The following TENM2 variants were observed in gnomAD, a reference collection of about 807,000 sequenced individuals.
TENM2 encodes the protein teneurin-2.
A neutral mutation model predicts 245.2 loss-of-function variants in TENM2; 52 were observed. That is an observed-to-expected ratio of 0.21 (90% CI 0.17 to 0.27). TENM2 has a LOEUF of 0.27. Ranked by LOEUF, TENM2 falls within the 10% of genes least tolerant of loss-of-function variation. The probability of loss-of-function intolerance (pLI) is 1.00; values close to 1 mark genes in which losing one functional copy is unlikely to be tolerated. For synonymous variants in TENM2, 1,363 were observed against 1,438.9 expected (o/e 0.95, Z 1.19); for missense variants, 3,046 against 3,666.8 (o/e 0.83, Z 4.37).
chr5:167,550,158 A>G (rs1401199526), intron 2 of TENM2, among the ~76,000 whole-genome samples: 1 of 152,188 alleles, frequency 6.6e-6, no homozygotes, highest in African/African-American at 2.4e-5. Context: ...TCCACTGTCA[A>G]AACAATCTGT....
chr5:167,779,674 A>G (rs1764051616), intron 2 of TENM2, among the ~76,000 whole-genome samples: 1 of 152,250 alleles, frequency 6.6e-6, no homozygotes, highest in African/African-American at 2.4e-5. Flanking sequence ...GTTTTAGGAT[A>G]TGTATCAGTC....
At chr5:167,959,843 T>A (rs1298250730) in intron 4 of TENM2, among the ~76,000 whole-genome samples, 1 of 152,252 alleles carries the variant, frequency 6.6e-6, no homozygotes, top group African/African-American at 2.4e-5. Flanking sequence ...TGGATTTATC[T>A]ACCTTTGGTC....
chr5:168,003,773 A>T (rs563723604), intron 5 of TENM2, among the ~76,000 whole-genome samples: 2 of 152,350 alleles, frequency 1.3e-5, no homozygotes, highest in South Asian at 4.1e-4. Context: ...CAAATAAACC[A>T]GAAAGCTACC....
chr5:167,736,923 G>C (rs1426221567), intron 2 of TENM2, among the ~76,000 whole-genome samples: 1 of 152,134 alleles, frequency 6.6e-6, no homozygotes, highest in Non-Finnish European at 1.5e-5. Flanking sequence ...CAGTGAACTA[G>C]CCTGGTAGAA....
chr5:167,792,549 T>C (rs1765051472), intron 2 of TENM2, among the ~76,000 whole-genome samples: 1 of 152,044 alleles, frequency 6.6e-6, no homozygotes, highest in African/African-American at 2.4e-5. Flanking sequence ...CAACGTGTTC[T>C]GTCCACCTCA....
chr5:167,309,402 G>A (rs1245656303), intron 1 of TENM2, among the ~76,000 whole-genome samples: 3 of 152,134 alleles, frequency 2.0e-5, no homozygotes, highest in Non-Finnish European at 4.4e-5. Flanking sequence ...ATCGTAAGTC[G>A]AAAATGCACT....
chr5:167,217,133 G>A, the TENM2 span, among the ~76,000 whole-genome samples: 1 of 152,146 alleles, frequency 6.6e-6, no homozygotes, highest in East Asian at 1.9e-4. Flanking sequence ...AAGTGGTAAA[G>A]TCTTTGTCAT....
At chr5:168,029,154 G>A (rs1786883465) in intron 5 of TENM2, among the ~76,000 whole-genome samples, 1 of 152,160 alleles carries the variant, frequency 6.6e-6, no homozygotes, top group Non-Finnish European at 1.5e-5. Flanking sequence ...CATGGTGGAA[G>A]AGACTATCTA....
At chr5:167,395,258 G>A (rs1207125258) in intron 2 of TENM2, among the ~76,000 whole-genome samples, 1 of 152,026 alleles carries the variant, frequency 6.6e-6, no homozygotes, top group Non-Finnish European at 1.5e-5. Context: ...TATTATAGTG[G>A]GATTTTTTCT....
chr5:167,384,347 G>A (rs1761284652), intron 2 of TENM2, among the ~76,000 whole-genome samples: 1 of 152,226 alleles, frequency 6.6e-6, no homozygotes, highest in South Asian at 2.1e-4. Context: ...GGACTTTTAT[G>A]TATGGAAATG....
chr5:167,495,237 G>GT (rs1212736771), intron 2 of TENM2, among the ~76,000 whole-genome samples: 2 of 76,524 alleles, frequency 2.6e-5, no homozygotes, highest in Admixed American at 1.8e-4. Context: ...TTTTTGTTTT[G>GT]TTTTTTGTTT....
chr5:167,509,714 C>A (rs556718486), intron 2 of TENM2, among the ~76,000 whole-genome samples: 22 of 152,154 alleles, frequency 1.4e-4, no homozygotes, highest in Non-Finnish European at 2.8e-4. Flanking sequence ...TGCCAGGACC[C>A]ACGCTAAGCA....
intron 1 of TENM2, chr5:167,307,786 C>T (rs556551631): frequency 6.6e-6 from 1 of 152,310 alleles, no homozygotes; most frequent in African/African-American, 2.4e-5. Flanking sequence ...AAGTAGAAAG[C>T]ACGAGCCGGA....
chr5:167,784,745 GA>G (rs1274051117), intron 2 of TENM2, among the ~76,000 whole-genome samples: 2 of 151,924 alleles, frequency 1.3e-5, no homozygotes, highest in Non-Finnish European at 1.5e-5. Context: ...AAAAAGAGGT[GA>G]AAAAAAGGTT....
At chr5:167,204,594 A>C in the TENM2 span, among the ~76,000 whole-genome samples, 1 of 152,236 alleles carries the variant, frequency 6.6e-6, no homozygotes. Context: ...TTCCAGCGTC[A>C]GGCACCATAT....
exon 29 of TENM2, chr5:168,262,488 T>C (rs771141789): frequency 6.4e-7 from 1 of 1,559,460 alleles, no homozygotes. Context: ...TTCACGAACA[T>C]TGAGTTCCAG....
intron 1 of TENM2, among the ~76,000 whole-genome samples, chr5:167,293,771 A>C (rs1315063507): frequency 6.6e-6 from 1 of 152,142 alleles, no homozygotes; most frequent in Non-Finnish European, 1.5e-5. Flanking sequence ...TGCAACAAAA[A>C]TTTGGATTTT....
At chr5:167,696,655 G>T (rs1479889254) in intron 2 of TENM2, among the ~76,000 whole-genome samples, 1 of 152,192 alleles carries the variant, frequency 6.6e-6, no homozygotes, top group African/African-American at 2.4e-5. Flanking sequence ...TTTGAAAAGA[G>T]AGTGTGCTGT....
intron 2 of TENM2, among the ~76,000 whole-genome samples, chr5:167,477,538 A>G (rs1767475707): frequency 6.6e-6 from 1 of 152,212 alleles, no homozygotes; most frequent in Admixed American, 6.5e-5. Context: ...TATTGTTTAC[A>G]TACAGTTTCA....
Sources: gnomAD v4.1 joint callset for allele counts (sites outside exome capture counted in the v4.1 genomes callset) on GRCh38, gnomAD v4.1.1 for gene constraint, MANE v1.5 for transcripts, NCBI Gene and HGNC (gene_info 2026-07-23, HGNC 2026-07-21) for gene names.